Variants in PSMA1 observed in about 807,000 individuals in gnomAD.
PSMA1 encodes proteasome subunit alpha type-1.
PSMA1 carries 3 observed loss-of-function variants against 38.4 expected under a neutral mutation model. The observed-to-expected ratio is 0.08, with a 90% CI of 0.04 to 0.20. The LOEUF is 0.20. Ranked by LOEUF, PSMA1 falls within the 10% of genes least tolerant of loss-of-function variation. The pLI, the probability that PSMA1 is intolerant of heterozygous loss-of-function variation, is 1.00. For synonymous variants in PSMA1, 101 were observed against 107.1 expected, an observed-to-expected ratio of 0.94 and a Z score of 0.35; for missense variants, 227 against 325.3, an observed-to-expected ratio of 0.70 and a Z score of 2.32.
intron 2 of PSMA1, among the ~76,000 whole-genome samples, chr11:14,570,223 A>G (rs1209271526): frequency 6.6e-6 from 1 of 152,240 alleles, no homozygotes; most frequent in African/African-American, 2.4e-5. Flanking sequence ...ACCATCATTA[A>G]AGACCAAAGG....
At chr11:14,542,980 C>T (rs1438189630) in intron 2 of PSMA1, among the ~76,000 whole-genome samples, 2 of 152,072 alleles carry the variant, frequency 1.3e-5, no homozygotes, top group Admixed American at 1.3e-4. Context: ...TTCAGCCTCC[C>T]GAGTAGCTGG....
chr11:14,632,144 T>C (rs1853026352), intron 1 of PSMA1, among the ~76,000 whole-genome samples: 1 of 144,892 alleles, frequency 6.9e-6, no homozygotes, highest in East Asian at 2.0e-4. Flanking sequence ...TGTCTTTTAA[T>C]TGGAGCATTT....
At chr11:14,619,807 G>A (rs1852820029) in intron 1 of PSMA1, among the ~76,000 whole-genome samples, 1 of 152,116 alleles carries the variant, frequency 6.6e-6, no homozygotes, top group South Asian at 2.1e-4. Context: ...TAGGTGATGA[G>A]TACTGGGAAA....
intron 1 of PSMA1, among the ~76,000 whole-genome samples, chr11:14,625,635 G>T (rs1852900998): frequency 6.6e-6 from 1 of 152,136 alleles, no homozygotes; most frequent in Non-Finnish European, 1.5e-5. Context: ...CTTTTAATAG[G>T]AGACTTTGGC....
intron 2 of PSMA1, among the ~76,000 whole-genome samples, chr11:14,570,302 T>C (rs1006398108): frequency 3.1e-4 from 47 of 152,268 alleles, no homozygotes; most frequent in Non-Finnish European, 5.7e-4. Context: ...TCAGAGCACC[T>C]CTTCTCCTCC....
chr11:14,588,585 G>A (rs1236885438), intron 2 of PSMA1, among the ~76,000 whole-genome samples: 4 of 152,078 alleles, frequency 2.6e-5, no homozygotes, highest in African/African-American at 9.7e-5. Flanking sequence ...CAACACATGG[G>A]GATAGATTGA....
At chr11:14,538,843 C>T (rs1266585427) in intron 2 of PSMA1, among the ~76,000 whole-genome samples, 2 of 152,242 alleles carry the variant, frequency 1.3e-5, no homozygotes, top group Non-Finnish European at 2.9e-5. Flanking sequence ...ATACACACAG[C>T]AGTTCTGTTG....
intron 2 of PSMA1, among the ~76,000 whole-genome samples, chr11:14,568,104 C>T (rs1852094106): frequency 6.6e-6 from 1 of 152,186 alleles, no homozygotes; most frequent in Admixed American, 6.5e-5. Flanking sequence ...ATAGCAAATG[C>T]TAGGTCAATG....
At chr11:14,508,549 ACCACT>A (rs1262077493) in intron 8 of PSMA1, among the ~76,000 whole-genome samples, 2 of 123,228 alleles carry the variant, frequency 1.6e-5, no homozygotes, top group East Asian at 4.4e-4. Context: ...TCTTCCAGTC[ACCACT>A]CCATCTCAAA....
intron 2 of PSMA1, among the ~76,000 whole-genome samples, chr11:14,526,815 T>C (rs974262629): frequency 2.6e-5 from 4 of 152,138 alleles, no homozygotes; most frequent in African/African-American, 9.7e-5. Context: ...ACTTGGCTTA[T>C]TGATGGCAGT....
intron 2 of PSMA1, among the ~76,000 whole-genome samples, chr11:14,609,059 G>A (rs986675463): frequency 6.6e-6 from 1 of 152,140 alleles, no homozygotes; most frequent in Non-Finnish European, 1.5e-5. Context: ...GTTCCTTCAA[G>A]AACTCAGAAT....
At chr11:14,606,765 T>TA (rs1213692264) in intron 2 of PSMA1, among the ~76,000 whole-genome samples, 1 of 152,168 alleles carries the variant, frequency 6.6e-6, no homozygotes, top group Admixed American at 6.5e-5. Context: ...TTCTGCTAGG[T>TA]AAAAAGGGAA....
intron 2 of PSMA1, among the ~76,000 whole-genome samples, chr11:14,592,634 C>T (rs903347270): frequency 5.3e-5 from 8 of 152,188 alleles, no homozygotes; most frequent in Admixed American, 2.0e-4. Context: ...ATCCGCCCGC[C>T]TGGGCCTCCC....
chr11:14,558,249 CAAA>C (rs35509045), intron 2 of PSMA1, among the ~76,000 whole-genome samples: 31 of 78,050 alleles, frequency 4.0e-4, no homozygotes, highest in African/African-American at 1.4e-3. Flanking sequence ...CCCATCTGCA[CAAA>C]AAAAAAAAAA....
At chr11:14,587,317 T>C (rs1852359441) in intron 2 of PSMA1, among the ~76,000 whole-genome samples, 1 of 152,178 alleles carries the variant, frequency 6.6e-6, no homozygotes. Flanking sequence ...TCTGGCGGTG[T>C]CCCTCTGGAC....
At position 14,579,312 on chromosome 11, in the gene PSMA1, A is replaced by C. The variant is rs1275904955; in HGVS notation, c.21+31654T>G. Among the ~76,000 whole-genome samples, 4 of 152,134 alleles carry C rather than the reference A, an allele frequency of 2.6e-5. No homozygotes were observed. In the East Asian group the frequency reaches 7.7e-4, roughly 29 times the overall value. ...TGTCCAGCTTCTGATGTCTCCAGGCATTCTTTGGCTTCTAGCTACGTAACG... is the reference window on the plus strand; with the variant it reads ...TGTCCAGCTTCTGATGTCTCCAGGCCTTCTTTGGCTTCTAGCTACGTAACG... On this transcript the variant is annotated intron_variant, in intron 2 of 10. Transcript: ENST00000418988.
At chr11:14,638,279 A>C (rs528046054) in intron 1 of PSMA1, among the ~76,000 whole-genome samples, 1 of 152,212 alleles carries the variant, frequency 6.6e-6, no homozygotes, top group East Asian at 1.9e-4. Flanking sequence ...ACACACACGA[A>C]GTCACATTAT....
At chr11:14,573,249 T>C (rs775419401) in intron 2 of PSMA1, among the ~76,000 whole-genome samples, 4 of 152,194 alleles carry the variant, frequency 2.6e-5, no homozygotes, top group Admixed American at 6.5e-5. Flanking sequence ...TGGACATCGA[T>C]GCAAATATCC....
In PSMA1 at chr11:14,562,178, G is replaced by A. The variant is rs147810072; in HGVS notation, c.22-43137C>T. Among the ~76,000 whole-genome samples, 919 of 152,354 alleles carry A rather than the reference G, an allele frequency of 6.0e-3. 8 individuals are homozygous for A. The highest frequency in any genetic ancestry group is 8.9e-3 in the South Asian group (43 of 4,834). ...GGTGGGATGAGGTGTCCCCCAGCTA[G>A]TGCTTAGATCTCAGGGAGCAGGACC... On this transcript the variant is annotated intron_variant, in intron 2 of 10. Coordinates refer to the PSMA1 transcript ENST00000418988.
Sources: allele counts gnomAD v4.1 joint callset (sites outside exome capture counted in the v4.1 genomes callset), GRCh38; gene constraint gnomAD v4.1.1; transcripts MANE v1.5; gene names NCBI Gene and HGNC (gene_info 2026-07-23, HGNC 2026-07-21).